RUFY3: variants seen among roughly 807,000 people sequenced by gnomAD.
RUFY3 encodes the protein RUN and FYVE domain containing 3.
Under a neutral mutation model 84.0 loss-of-function variants are expected in RUFY3, and 34 were observed. The observed-to-expected ratio is 0.40, with a 90% CI of 0.31 to 0.54. The LOEUF is 0.54. Among genes scored for constraint, RUFY3 ranks in the 20% least tolerant of loss-of-function variants. The pLI is 0.39. For missense variants in RUFY3, 507 were observed against 736.8 expected, an observed-to-expected ratio of 0.69 and a Z score of 3.61; for synonymous variants, 242 against 252.9, an observed-to-expected ratio of 0.96 and a Z score of 0.41.
intron 1 of RUFY3, among the ~76,000 whole-genome samples, chr4:70,713,085 G>A (rs1339670456): frequency 1.3e-5 from 2 of 152,178 alleles, no homozygotes; most frequent in Admixed American, 6.6e-5. Flanking sequence ...GTGCGATGGG[G>A]CAATCTTGCC....
At chr4:70,766,243 G>A (rs999752208) in intron 4 of RUFY3, among the ~76,000 whole-genome samples, 2 of 152,034 alleles carry the variant, frequency 1.3e-5, no homozygotes, top group African/African-American at 2.4e-5. Context: ...CTGGGTTTTC[G>A]TGTTTTGTTT....
At chr4:70,719,011 G>A (rs1242878263), upstream of RUFY3, among the ~76,000 whole-genome samples, 2 of 152,182 alleles carry the variant, frequency 1.3e-5, no homozygotes, top group Admixed American at 6.5e-5. Flanking sequence ...CACCGTGCCC[G>A]GCCGTAGAAT....
At chr4:70,799,952 T>A in intron 14 of RUFY3, 189 bp from the exon 15 acceptor site, 1 of 509,206 alleles carries the variant, frequency 2.0e-6, no homozygotes, top group Non-Finnish European at 3.4e-6. Context: ...TGTCACAAAC[T>A]GTCAGAATAA....
At chr4:70,778,484 A>G (rs747450287) in intron 8 of RUFY3, 46 bp downstream of exon 8, 6 of 1,028,530 alleles carry the variant, frequency 5.8e-6, no homozygotes, top group Admixed American at 1.8e-5. Flanking sequence ...TTTAATATGC[A>G]TTAGTAGAAC....
chr4:70,803,897 T>C (rs1328007517), intron 16 of RUFY3, among the ~76,000 whole-genome samples: 2 of 141,834 alleles, frequency 1.4e-5, no homozygotes, highest in African/African-American at 2.7e-5. Flanking sequence ...TTTTTTTTTT[T>C]TTAATATATA....
intron 7 of RUFY3, 132 bp from the exon 8 acceptor site, chr4:70,778,237 A>G: frequency 2.8e-6 from 1 of 358,702 alleles, no homozygotes; most frequent in Non-Finnish European, 5.1e-6. Flanking sequence ...TCCGTCTAAA[A>G]ATAATAATAA....
upstream of RUFY3, chr4:70,704,266 C>A (rs1370212527): frequency 1.3e-5 from 2 of 152,184 alleles, no homozygotes; most frequent in African/African-American, 4.8e-5. Flanking sequence ...AGGAAGACAC[C>A]CACCTTTGGT....
chr4:70,720,778 C>T (rs1395310991), upstream of RUFY3, among the ~76,000 whole-genome samples: 1 of 152,056 alleles, frequency 6.6e-6, no homozygotes, highest in African/African-American at 2.4e-5. Flanking sequence ...TTGTCCAAAA[C>T]ATTTTCAAAG....
intron 14 of RUFY3, among the ~76,000 whole-genome samples, chr4:70,796,743 T>G (rs1032039088): frequency 1.6e-4 from 24 of 152,170 alleles, no homozygotes; most frequent in African/African-American, 5.8e-4. Flanking sequence ...GGCCCCTTCT[T>G]AAAGTGAGTT....
At chr4:70,734,476 G>T in intron 1 of RUFY3, 1 of 985,400 alleles carries the variant, frequency 1.0e-6, no homozygotes, top group Non-Finnish European at 1.2e-6. Context: ...TTCTCAAAGT[G>T]AGAAGGTTGT....
intron 13 of RUFY3, 25 bp from the exon 14 acceptor site, chr4:70,794,770 C>G (rs769472695): frequency 3.1e-5 from 46 of 1,490,924 alleles, no homozygotes; most frequent in Non-Finnish European, 4.0e-5. Flanking sequence ...AATTTTTCAT[C>G]CTTTTCCTCT....
chr4:70,734,148 C>T (rs770506277), intron 1 of RUFY3, among the ~76,000 whole-genome samples: 1 of 152,088 alleles, frequency 6.6e-6, no homozygotes, highest in African/African-American at 2.4e-5. Flanking sequence ...TATTTACTGG[C>T]ATGCTCTGTT....
chr4:70,748,407 A>G (rs1265118495), intron 1 of RUFY3, among the ~76,000 whole-genome samples: 2 of 152,190 alleles, frequency 1.3e-5, no homozygotes, highest in Admixed American at 6.5e-5. Context: ...ACTGCAGTAT[A>G]TTGAGATTTA....
intron 1 of RUFY3, among the ~76,000 whole-genome samples, chr4:70,733,872 T>C (rs1260347267): frequency 6.6e-6 from 1 of 152,212 alleles, no homozygotes; most frequent in Non-Finnish European, 1.5e-5. Context: ...CCAAATATTC[T>C]ACAAGAGGAC....
intron 7 of RUFY3, among the ~76,000 whole-genome samples, chr4:70,777,537 A>C (rs1330838269): frequency 6.6e-6 from 1 of 152,226 alleles, no homozygotes; most frequent in Non-Finnish European, 1.5e-5. Flanking sequence ...AATTCAAAAC[A>C]ATTTAAGTAC....
intron 7 of RUFY3, among the ~76,000 whole-genome samples, chr4:70,775,539 T>A (rs1727793983): frequency 6.6e-6 from 1 of 152,172 alleles, no homozygotes; most frequent in Admixed American, 6.6e-5. Flanking sequence ...TTAAGAATTT[T>A]AAAATATGTG....
At chr4:70,767,729 A>T (rs946604265) in intron 4 of RUFY3, among the ~76,000 whole-genome samples, 1 of 151,754 alleles carries the variant, frequency 6.6e-6, no homozygotes, top group Non-Finnish European at 1.5e-5. Flanking sequence ...CCCAGGCTGG[A>T]GTGCAGTGGC....
chr4:70,718,774 G>A (rs1211271568), upstream of RUFY3, among the ~76,000 whole-genome samples: 2 of 151,664 alleles, frequency 1.3e-5, no homozygotes, highest in African/African-American at 4.8e-5. Flanking sequence ...CTGGAGTGCA[G>A]TGGTGCAATC....
intron 1 of RUFY3, among the ~76,000 whole-genome samples, chr4:70,742,810 G>A (rs933048817): frequency 6.6e-6 from 1 of 152,168 alleles, no homozygotes; most frequent in South Asian, 2.1e-4. Context: ...ATGCCCAAGA[G>A]TATCTTCTGT....
Sources: gnomAD v4.1 joint callset for allele counts (sites outside exome capture counted in the v4.1 genomes callset) on GRCh38, gnomAD v4.1.1 for gene constraint, MANE v1.5 for transcripts, NCBI Gene and HGNC (gene_info 2026-07-23, HGNC 2026-07-21) for gene names.